Variants in TRRAP observed in about 807,000 individuals in gnomAD.
TRRAP encodes transformation/transcription domain-associated protein.
Under a neutral mutation model 438.8 loss-of-function variants are expected in TRRAP, and 41 were observed. The observed-to-expected ratio is 0.09, with a 90% CI of 0.07 to 0.12. The LOEUF (loss-of-function observed/expected upper bound fraction) is 0.12, where lower values mean the gene tolerates loss of function less well. Among genes scored for constraint, TRRAP ranks in the 10% least tolerant of loss-of-function variants. The probability of loss-of-function intolerance (pLI) is 1.00; values close to 1 mark genes in which losing one functional copy is unlikely to be tolerated. For synonymous variants in TRRAP, 1,994 were observed against 1,962.9 expected (o/e 1.02, Z -0.42); for missense variants, 3,122 against 5,055.1 (o/e 0.62, Z 11.60).
At chr7:98,888,650 G>T (rs1795824222) in intron 3 of TRRAP, among the ~76,000 whole-genome samples, 1 of 152,176 alleles carries the variant, frequency 6.6e-6, no homozygotes, top group Admixed American at 6.6e-5. Flanking sequence ...GCCTTTGCAT[G>T]TGCTTTTCTT....
intron 65 of TRRAP, 43 bp downstream of exon 65, chr7:98,992,270 C>A: frequency 6.2e-7 from 1 of 1,602,558 alleles, no homozygotes. Flanking sequence ...GGGAAGGGCT[C>A]ATTCCAGGGG....
At chr7:98,999,740 C>G in intron 67 of TRRAP, 1 of 693,018 alleles carries the variant, frequency 1.4e-6, no homozygotes, top group Non-Finnish European at 2.6e-6. Flanking sequence ...ATGGTATATT[C>G]AAAGCTACTA....
intron 8 of TRRAP, among the ~76,000 whole-genome samples, 178 bp downstream of exon 8, chr7:98,898,044 G>A (rs1796302078): frequency 6.6e-6 from 1 of 152,188 alleles, no homozygotes. Context: ...CCTTTTGGGT[G>A]TCATTGATGC....
At chr7:98,985,899 T>C (rs219803) in intron 62 of TRRAP, among the ~76,000 whole-genome samples, 22,630 of 152,198 alleles carry the variant, frequency 0.15, 5,286 homozygotes, top group African/African-American at 0.5. Flanking sequence ...CTAGAATATT[T>C]CCATCATCCC....
At position 98,976,883 on chromosome 7, in the gene TRRAP, G is replaced by A; in HGVS notation, c.8248-56G>A. 1 of 1,605,144 alleles carries A rather than the reference G, an allele frequency of 6.2e-7. No homozygotes were observed. ...TGACAGCACAGTGAAACTATTTTTA[G>A]GGGGGAAAAAAAGTCTCTGTCTCAA... is the stretch of plus-strand genomic sequence containing the variant. On this transcript the variant is annotated intron_variant, in intron 55 of 72. Coordinates refer to ENST00000456197, the MANE Select transcript of TRRAP (RefSeq NM_001375524.1). The surrounding 1 kb of genome is among the most constrained non-coding windows in gnomAD (Gnocchi z 4.6).
At chr7:98,888,532 G>A (rs1004463882) in intron 3 of TRRAP, among the ~76,000 whole-genome samples, 10 of 152,212 alleles carry the variant, frequency 6.6e-5, no homozygotes, top group African/African-American at 1.2e-4. Context: ...GTGAGACTCC[G>A]TCTCAAAAAA....
At chr7:98,973,042 C>G (rs543231029) in intron 53 of TRRAP, among the ~76,000 whole-genome samples, 2 of 152,230 alleles carry the variant, frequency 1.3e-5, no homozygotes, top group East Asian at 3.9e-4. Flanking sequence ...TATAGTGGTG[C>G]AATCTCGGCT....
At chr7:98,925,644 G>C (rs1554411436) in intron 22 of TRRAP, among the ~76,000 whole-genome samples, 1 of 152,192 alleles carries the variant, frequency 6.6e-6, no homozygotes, top group Non-Finnish European at 1.5e-5. Context: ...TCTTTCTCCA[G>C]ATATTTCTCA....
Position 99,005,440 on chromosome 7 carries a change from G to A in TRRAP, c.10753+92G>A, listed in dbSNP as rs1648262425. The A allele has an allele frequency of 7.9e-6, 10 of 1,264,038 alleles. No homozygotes were observed. The highest frequency in any genetic ancestry group is 2.6e-5 in the South Asian group (2 of 78,204). The allele number at this position is 1,264,038 out of a possible 1,614,324, so 78.3% of individuals were successfully genotyped here. ...CTCGTGGGGTGCACAGGCAGCTCAC[G>A]TTAGCCTTTGAGGGTCCAGCTGCGT... On this transcript the variant is annotated intron_variant, in intron 69 of 72. Coordinates refer to ENST00000456197, the MANE Select transcript of TRRAP (RefSeq NM_001375524.1). This position sits in a 1 kb window ranked among gnomAD's most constrained non-coding sequence, Gnocchi z 5.1.
rs201505807 is a variant in TRRAP, at chr7:98,996,523, A to G, written c.10309+1675A>G. On this transcript the variant is annotated intron_variant, in intron 67 of 72. Transcript: ENST00000456197. ...TGTGAAAACGAGATTTGTCTGGTAC[A>G]GTTTCCCAGAGATGAAAGAAAGATT... 7.2e-5 allele frequency among the ~76,000 whole-genome samples: 11 copies of G among 152,390 alleles called. No homozygotes were observed. The East Asian group carries it at 2.1e-3, about 29-fold the overall frequency.
rs1364333625 is a variant in TRRAP at position 98,994,266 on chromosome 7, A to G, written c.10048-321A>G. ...GTGCACGCAGACACGCGGTGGGAACAGTACAGCTGCCTGAAAATGCAGGGG... is the reference window on the plus strand; with the variant it reads ...GTGCACGCAGACACGCGGTGGGAACGGTACAGCTGCCTGAAAATGCAGGGG... On this transcript the variant is annotated intron_variant, in intron 66 of 72. Coordinates refer to ENST00000456197, the MANE Select transcript of TRRAP (RefSeq NM_001375524.1). The surrounding 1 kb of genome is among the most constrained non-coding windows in gnomAD (Gnocchi z 4.8). Among the ~76,000 whole-genome samples the G allele has an allele frequency of 1.3e-5, 2 of 152,240 alleles. No homozygotes were observed. The highest frequency in any genetic ancestry group is 1.3e-4 in the Admixed American group (2 of 15,290).
chr7:98,938,636 C>T (rs1241599599), intron 30 of TRRAP, among the ~76,000 whole-genome samples: 2 of 152,174 alleles, frequency 1.3e-5, no homozygotes, highest in Non-Finnish European at 2.9e-5. Context: ...CTTCATTCTG[C>T]TTTATGGCTG....
At position 98,948,548 on chromosome 7, in the gene TRRAP, T is replaced by C; in HGVS notation, c.4669-18T>C. ...GAAGAGGAAGTTGTGAGATGCAGCA[T>C]TCCCACATGTTTTGCAGGCGGGGAG... On this transcript the variant is annotated intron_variant, in intron 34 of 72. Transcript: ENST00000456197. This position sits in a 1 kb window ranked among gnomAD's most constrained non-coding sequence, Gnocchi z 4.9. The C allele has an allele frequency of 6.2e-7, 1 of 1,614,178 alleles. No individual in the cohort carries two copies. Among genetic ancestry groups the C allele is most frequent in the Non-Finnish European group, 8.5e-7 (1 of 1,180,040 alleles).
chr7:98,985,986 T>C (rs1269038828), intron 62 of TRRAP, among the ~76,000 whole-genome samples: 3 of 152,230 alleles, frequency 2.0e-5, no homozygotes, highest in Non-Finnish European at 4.4e-5. Context: ...ACTAATGTAC[T>C]TTCTGCCTCT....
rs182473524 is a variant in TRRAP at position 98,881,195 on chromosome 7, C to T, written c.45C>T (p.Thr15=). Reference sequence around the variant, plus strand: ...AGGGGGCCACGGTGGTTGACCAGACCACTTTGATGAAAAAGTACCTTCAGT... The same window carrying T: ...AGGGGGCCACGGTGGTTGACCAGACTACTTTGATGAAAAAGTACCTTCAGT... The part of the protein sequence containing the change: ...ATQGATVVDQ[T]TLMKKYLQFV... Residue 15 remains threonine, a synonymous_variant, in exon 2 of 73, where the codon ACC becomes ACT. Transcript: ENST00000456197. 8 of 1,610,420 alleles carry T rather than the reference C, an allele frequency of 5.0e-6. No individual in the cohort carries two copies. The African/African-American group carries it at 5.3e-5, about 11-fold the overall frequency.
At chr7:98,891,074 G>A (rs1263513448) in intron 4 of TRRAP, among the ~76,000 whole-genome samples, 2 of 150,942 alleles carry the variant, frequency 1.3e-5, no homozygotes, top group Non-Finnish European at 3.0e-5. Context: ...GGTATTACAG[G>A]TGTGAGCCAC....
chr7:98,949,522 C>T lies in TRRAP; in HGVS notation c.4894C>T (p.Arg1632Cys), dbSNP rs150375708. 47 of 1,604,826 alleles carry T rather than the reference C, an allele frequency of 2.9e-5. No homozygotes were observed. Among genetic ancestry groups the T allele is most frequent in the African/African-American group, 1.5e-4 (11 of 74,326 alleles). Residue 1632 changes from arginine to cysteine, a missense_variant, in exon 36 of 73, where the codon CGC (arginine) becomes TGC (cysteine). By Grantham distance (180) the Arg-to-Cys change is radical. Coordinates refer to ENST00000456197, the MANE Select transcript of TRRAP (RefSeq NM_001375524.1). ...GCCGGGGGGTGCCCAGACGGCTGTG[C>T]GCCCCGGTTCGCCCAGCACCAGCAC... ...LLPGGAQTAV[R>C]PGSPSTSTMR...
In TRRAP at chr7:98,881,188, A is replaced by C; in HGVS notation, c.38A>C (p.Asp13Ala). ...GCAACACAGGGGGCCACGGTGGTTG[A>C]CCAGACCACTTTGATGAAAAAGTAC... is the stretch of plus-strand genomic sequence containing the variant. Reference protein sequence around the residue: ...FVATQGATVVDQTTLMKKYLQ... With the variant: ...FVATQGATVVAQTTLMKKYLQ... The change falls in exon 2 of 73, where the codon GAC (aspartate) becomes GCC (alanine). Residue 13 changes from aspartate to alanine, a missense_variant. Physicochemically the swap from Asp to Ala is moderately radical, Grantham distance 126. Around this residue, in one of 24 missense-constraint regions of TRRAP, gnomAD observed 343 missense variants for 564.0 expected, o/e 0.61. Transcript: ENST00000456197. 2 of 1,611,206 alleles carry C rather than the reference A, an allele frequency of 1.2e-6. No individual in the cohort carries two copies. The highest frequency in any genetic ancestry group is 1.7e-6 in the Non-Finnish European group (2 of 1,178,546).
intron 27 of TRRAP, among the ~76,000 whole-genome samples, 189 bp downstream of exon 27, chr7:98,933,591 A>G (rs1271046116): frequency 6.6e-6 from 1 of 152,212 alleles, no homozygotes; most frequent in Non-Finnish European, 1.5e-5. Context: ...GAAGGGAGGT[A>G]TGGCCAGCAG....
Sources: gnomAD v4.1 joint callset for allele counts (sites outside exome capture counted in the v4.1 genomes callset) on GRCh38, gnomAD v4.1.1 for gene constraint, gnomAD v4.1.1 regional missense constraint, Gnocchi (gnomAD v3.1) non-coding constraint, MANE v1.5 for transcripts, NCBI Gene and HGNC (gene_info 2026-07-23, HGNC 2026-07-21) for gene names.